The following STAB2 variants were observed in gnomAD, a reference collection of about 807,000 sequenced individuals.
STAB2 encodes the protein stabilin-2.
In STAB2, 288 loss-of-function variants were observed where a neutral mutation model predicts 338.1. The ratio of observed to expected loss-of-function variants is 0.85; its 90% CI spans 0.77 to 0.94. The LOEUF is 0.94. Among genes scored for constraint, STAB2 ranks in the 40% least tolerant of loss-of-function variants. STAB2 has a pLI of 0.00. For missense variants in STAB2, 3,141 were observed against 3,210.1 expected (o/e 0.98, Z 0.52); for synonymous variants, 1,202 against 1,193.3 (o/e 1.01, Z -0.15).
chr12:103,606,695 G>A (rs1027288442), intron 3 of STAB2, among the ~76,000 whole-genome samples: 2 of 152,088 alleles, frequency 1.3e-5, no homozygotes, highest in Non-Finnish European at 2.9e-5. Context: ...TTTCTAATAA[G>A]ATCTGCTGGC....
At chr12:103,614,108 C>A (rs1347008300) in intron 3 of STAB2, among the ~76,000 whole-genome samples, 1 of 152,148 alleles carries the variant, frequency 6.6e-6, no homozygotes, top group Non-Finnish European at 1.5e-5. Flanking sequence ...GGGTTGGTTT[C>A]AATTAACTGG....
chr12:103,616,717 A>C (rs1957216442), intron 3 of STAB2, among the ~76,000 whole-genome samples: 1 of 152,206 alleles, frequency 6.6e-6, no homozygotes. Flanking sequence ...AGAGGGAAAT[A>C]GTTGGGGAGC....
chr12:103,737,113 A>G (rs1882193935), intron 52 of STAB2, among the ~76,000 whole-genome samples: 1 of 152,236 alleles, frequency 6.6e-6, no homozygotes, highest in Non-Finnish European at 1.5e-5. Context: ...AAGGAGACTC[A>G]GTTACTACAC....
chr12:103,625,955 AC>A (rs1304816333), intron 5 of STAB2, among the ~76,000 whole-genome samples: 1 of 152,166 alleles, frequency 6.6e-6, no homozygotes, highest in African/African-American at 2.4e-5. Context: ...CAATGGTTGA[AC>A]TAGTTTACAG....
At chr12:103,727,449 A>G (rs1258932321) in intron 47 of STAB2, 99 bp downstream of exon 47, 8 of 1,366,872 alleles carry the variant, frequency 5.9e-6, no homozygotes, top group Middle Eastern at 2.3e-4. Context: ...TCTAAGCAGG[A>G]GCTCTGAGAT....
rs764573741 is a variant in STAB2 at position 103,712,442 on chromosome 12, A to G, written c.4410A>G (p.Thr1470=). 3.7e-6 allele frequency: 6 copies of G among 1,612,566 alleles called. No homozygotes were observed. In the South Asian group the frequency reaches 5.5e-5, roughly 15 times the overall value. The part of the protein sequence containing the change: ...AGFQGNGTIC[T]AINACEISNG... The stretch of plus-strand genomic sequence containing the variant: ...TCCAAGGAAACGGGACCATCTGCAC[A>G]GGCAAGCGAAGGAAGGAATTTGCTG... Residue 1470 remains threonine, a splice_region_variant and synonymous_variant, in exon 41 of 69, where the codon ACA becomes ACG. Transcript: ENST00000388887.
chr12:103,692,678 T>C, intron 30 of STAB2, 134 bp from the exon 31 acceptor site: 2 of 627,850 alleles, frequency 3.2e-6, no homozygotes, highest in Non-Finnish European at 5.6e-6. Flanking sequence ...AAGTTAAAGG[T>C]ATTTCTTACT....
chr12:103,676,058 CTTTTTTTT>C (rs35874368), intron 24 of STAB2, 37 bp downstream of exon 24: 63 of 669,330 alleles, frequency 9.4e-5, no homozygotes, highest in South Asian at 1.3e-4. Context: ...TGCCTGGTTT[CTTTTTTTT>C]TTTTTTTTTT....
At chr12:103,674,164 T>C in intron 23 of STAB2, 77 bp downstream of exon 23, 1 of 1,513,484 alleles carries the variant, frequency 6.6e-7, no homozygotes, top group Non-Finnish European at 8.9e-7. Flanking sequence ...GACGCTGTGT[T>C]ACCTGTAGAC....
At chr12:103,693,084 C>T (rs745419321) in intron 31 of STAB2, among the ~76,000 whole-genome samples, 195 bp downstream of exon 31, 2 of 152,096 alleles carry the variant, frequency 1.3e-5, no homozygotes, top group African/African-American at 4.8e-5. Flanking sequence ...TCCATTTATC[C>T]AGCCTGTATT....
At chr12:103,761,842 C>G (rs1884563263) in intron 66 of STAB2, among the ~76,000 whole-genome samples, 1 of 152,162 alleles carries the variant, frequency 6.6e-6, no homozygotes, top group African/African-American at 2.4e-5. Context: ...GCCCCTGACA[C>G]ACAGTACATG....
In STAB2 at chr12:103,690,423, G is replaced by A. The variant is rs747109272; in HGVS notation, c.3183-1G>A. The A allele has an allele frequency of 1.9e-6, 3 of 1,610,726 alleles. No homozygotes were observed. The highest frequency in any genetic ancestry group is 2.5e-6 in the Non-Finnish European group (3 of 1,177,786). ...ATAGCCTTTGTGGACTATTGTTTCAGGTACCATATGCTACTAGGCACATAC... is the reference window on the plus strand; with the variant it reads ...ATAGCCTTTGTGGACTATTGTTTCAAGTACCATATGCTACTAGGCACATAC... On this transcript the variant is annotated splice_acceptor_variant, in intron 29 of 68. Transcript: ENST00000388887. LOFTEE classifies it high-confidence loss of function.
At position 103,672,822 on chromosome 12, in the gene STAB2, C is replaced by T. The variant is rs116052347; in HGVS notation, c.2372-1085C>T. ...CAGCAGCTAAGGTTTAAAATGATAA[C>T]GGTGATATGGAAATGCCAGTTCATA... On this transcript the variant is annotated intron_variant, in intron 22 of 68. Transcript: ENST00000388887. Among the ~76,000 whole-genome samples, 949 of 152,162 alleles carry T rather than the reference C, an allele frequency of 6.2e-3. 10 individuals carry two copies. Among genetic ancestry groups the T allele is most frequent in the African/African-American group, 0.022 (899 of 41,476 alleles).
intron 48 of STAB2, among the ~76,000 whole-genome samples, chr12:103,729,750 C>T (rs1050548248): frequency 5.9e-5 from 9 of 152,162 alleles, no homozygotes; most frequent in Non-Finnish European, 1.2e-4. Flanking sequence ...CCAGTCCCTC[C>T]CTACTACAGA....
At chr12:103,686,191 C>T (rs989594064) in intron 27 of STAB2, among the ~76,000 whole-genome samples, 1 of 152,170 alleles carries the variant, frequency 6.6e-6, no homozygotes, top group Non-Finnish European at 1.5e-5. Context: ...GCTGAAATCA[C>T]GAGCCTAACA....
intron 6 of STAB2, among the ~76,000 whole-genome samples, chr12:103,636,586 A>G (rs1957552003): frequency 6.6e-6 from 1 of 152,102 alleles, no homozygotes; most frequent in South Asian, 2.1e-4. Context: ...AACTGGTGCC[A>G]AAATGCTGAT....
At position 103,677,482 on chromosome 12, in the gene STAB2, C is replaced by G; in HGVS notation, c.2676C>G (p.Thr892=). ...NAECIKTGTG[T]HTCVCQQGWT... Reference sequence around the variant, plus strand: ...AATGCATCAAAACTGGCACGGGCACCCACACCTGCGTGTGTCAGCAGGGTT... The same window carrying G: ...AATGCATCAAAACTGGCACGGGCACGCACACCTGCGTGTGTCAGCAGGGTT... Residue 892 remains threonine, a synonymous_variant, in exon 25 of 69, where the codon ACC becomes ACG. Transcript: ENST00000388887. The G allele has an allele frequency of 1.2e-6, 2 of 1,613,408 alleles. No individual in the cohort carries two copies. Among genetic ancestry groups the G allele is most frequent in the Non-Finnish European group, 1.7e-6 (2 of 1,179,380 alleles).
At chr12:103,672,038 G>A (rs1011494171) in intron 22 of STAB2, among the ~76,000 whole-genome samples, 1 of 152,168 alleles carries the variant, frequency 6.6e-6, no homozygotes. Flanking sequence ...ATTATAGTTT[G>A]CTGACAGGAT....
chr12:103,668,945 T>TCA (rs1382538265), intron 20 of STAB2: 2 of 500,658 alleles, frequency 4.0e-6, no homozygotes, highest in Non-Finnish European at 7.1e-6. Context: ...TTAACACAGA[T>TCA]CACACTCTTA....
Sources: gnomAD v4.1 joint callset for allele counts (sites outside exome capture counted in the v4.1 genomes callset) on GRCh38, gnomAD v4.1.1 for gene constraint, MANE v1.5 for transcripts, NCBI Gene and HGNC (gene_info 2026-07-23, HGNC 2026-07-21) for gene names.